Variants in CIB2 observed in about 807,000 individuals in gnomAD.
CIB2 encodes the protein calcium and integrin binding family member 2.
CIB2 carries 19 observed loss-of-function variants against 23.1 expected under a neutral mutation model. That is an observed-to-expected ratio of 0.82 (90% CI 0.57 to 1.21). The LOEUF is 1.21. Ranked by LOEUF, CIB2 falls within the 50% of genes most tolerant of loss-of-function variation. CIB2 has a pLI of 0.00. For missense variants in CIB2, 220 were observed against 241.5 expected (o/e 0.91, Z 0.59); for synonymous variants, 94 against 91.7 (o/e 1.03, Z -0.14).
chr15:78,105,148 C>G lies in CIB2; in HGVS notation c.*163G>C. On this transcript the variant is annotated 3_prime_UTR_variant, in exon 6 of 6. Coordinates refer to ENST00000258930, the MANE Select transcript of CIB2 (RefSeq NM_006383.4). ...AAGGGTCCTAACCTTCACAGGCCCCCTTCCTGGTTAAGGTTTTTTTTTTGC... is the reference window on the plus strand; with the variant it reads ...AAGGGTCCTAACCTTCACAGGCCCCGTTCCTGGTTAAGGTTTTTTTTTTGC... 1 of 996,998 alleles carries G rather than the reference C, an allele frequency of 1.0e-6. No individual in the cohort carries two copies. Among genetic ancestry groups the G allele is most frequent in the Non-Finnish European group, 1.5e-6 (1 of 682,162 alleles). 61.8% of individuals were successfully genotyped at this position (996,998 alleles called of 1,614,324 possible). A position where few individuals can be genotyped will look rare whatever the true frequency, so the allele number is the denominator to read the frequency against.
At chr15:78,114,966 G>T (rs2074216855) in intron 2 of CIB2, among the ~76,000 whole-genome samples, 2 of 151,626 alleles carry the variant, frequency 1.3e-5, no homozygotes, top group Admixed American at 1.3e-4. Context: ...GACTTTAAAA[G>T]AATAATATGT....
At chr15:78,130,464 C>A (rs2074438804) in intron 1 of CIB2, among the ~76,000 whole-genome samples, 1 of 152,168 alleles carries the variant, frequency 6.6e-6, no homozygotes, top group South Asian at 2.1e-4. Flanking sequence ...CCTGCAACCA[C>A]AGCGAAGTTT....
At chr15:78,108,752 G>C (rs1254258370) in intron 4 of CIB2, among the ~76,000 whole-genome samples, 1 of 152,170 alleles carries the variant, frequency 6.6e-6, no homozygotes, top group African/African-American at 2.4e-5. Flanking sequence ...AGTGGCCCTG[G>C]TGTCTGGATC....
chr15:78,108,827 G>A (rs570320415), intron 4 of CIB2, among the ~76,000 whole-genome samples: 48 of 152,186 alleles, frequency 3.2e-4, no homozygotes, highest in Non-Finnish European at 6.0e-4. Flanking sequence ...GACTCATACC[G>A]CCCCCTGTCC....
intron 2 of CIB2, among the ~76,000 whole-genome samples, chr15:78,116,464 C>CAA (rs1351635361): frequency 6.4e-5 from 5 of 77,794 alleles, no homozygotes; most frequent in African/African-American, 9.9e-5. Context: ...TCCTGCCTGA[C>CAA]AAAAAAAAAA....
chr15:78,110,135 C>G (rs988950187), intron 3 of CIB2, among the ~76,000 whole-genome samples: 2 of 152,248 alleles, frequency 1.3e-5, no homozygotes, highest in African/African-American at 4.8e-5. Flanking sequence ...CTCCCCTAGA[C>G]CACCTTGGAT....
intron 5 of CIB2, 116 bp downstream of exon 5, chr15:78,105,623 C>T (rs2074055038): frequency 3.2e-6 from 5 of 1,573,570 alleles, no homozygotes; most frequent in Non-Finnish European, 4.3e-6. Flanking sequence ...ACGTGACCTC[C>T]TGCTTCCTGG....
At chr15:78,109,571 A>G in intron 3 of CIB2, 189 bp from the exon 4 acceptor site, 1 of 660,820 alleles carries the variant, frequency 1.5e-6, no homozygotes, top group South Asian at 1.8e-5. Flanking sequence ...TAAATGAGCT[A>G]AAGTATGTAA....
chr15:78,117,930 T>C (rs1434030209), intron 2 of CIB2, among the ~76,000 whole-genome samples: 4 of 152,236 alleles, frequency 2.6e-5, no homozygotes, highest in African/African-American at 7.2e-5. Flanking sequence ...TCAGGAAATT[T>C]GTTGGAAATA....
Position 78,105,279 on chromosome 15 carries a change from A to T in CIB2, c.*32T>A. On this transcript the variant is annotated 3_prime_UTR_variant, in exon 6 of 6. Transcript: ENST00000258930. The stretch of plus-strand genomic sequence containing the variant: ...ATGTGACTGCAGGGCAGGATGGTGG[A>T]CTTCTAGGCCCCTACAGCCTCGGCA... 2 of 1,613,692 alleles carry T rather than the reference A, an allele frequency of 1.2e-6. No homozygotes were observed. The highest frequency in any genetic ancestry group is 2.2e-5 in the South Asian group (2 of 91,000).
At chr15:78,126,572 C>T (rs572481194) in intron 1 of CIB2, among the ~76,000 whole-genome samples, 33 of 152,222 alleles carry the variant, frequency 2.2e-4, no homozygotes, top group Non-Finnish European at 4.4e-4. Context: ...CCACTGTACA[C>T]CAGCCACTCC....
chr15:78,110,714 T>C (rs1179808387), intron 3 of CIB2: 2 of 456,314 alleles, frequency 4.4e-6, no homozygotes, highest in Non-Finnish European at 8.8e-6. Flanking sequence ...TGAGCCTGAA[T>C]TGGCATTTGG....
In CIB2 at chr15:78,109,402, C is replaced by G; in HGVS notation, c.199-20G>C. The G allele has an allele frequency of 6.2e-7, 1 of 1,613,862 alleles. No individual in the cohort carries two copies. Among genetic ancestry groups the G allele is most frequent in the African/African-American group, 1.3e-5 (1 of 75,048 alleles). ...ATTCTCCTGAAGAAAACACACACAG[C>G]AATCACTGTGGGTGCAGGATAAGCA... is the stretch of plus-strand genomic sequence containing the variant. On this transcript the variant is annotated intron_variant, in intron 3 of 5. Transcript: ENST00000258930.
chr15:78,107,659 C>T (rs748854132), intron 4 of CIB2, among the ~76,000 whole-genome samples: 2 of 152,218 alleles, frequency 1.3e-5, no homozygotes, highest in African/African-American at 4.8e-5. Context: ...GCGATCTGCA[C>T]GCCCCTGTCT....
At position 78,111,162 on chromosome 15, in the gene CIB2, TA is replaced by T; in HGVS notation, c.198+2del. 1 of 1,613,300 alleles carries T rather than the reference TA, an allele frequency of 6.2e-7. No homozygotes were observed. The highest frequency in any genetic ancestry group is 8.5e-7 in the Non-Finnish European group (1 of 1,179,276). On this transcript the variant is annotated splice_donor_variant, in intron 3 of 5. Coordinates refer to ENST00000258930, the MANE Select transcript of CIB2 (RefSeq NM_006383.4). LOFTEE classifies it high-confidence loss of function. ...GCTCGCCAGCAAGAGGTCCTGCACA[TA>T]CCCGGAGCTCTGGCATCTGGATGAT...
intron 2 of CIB2, among the ~76,000 whole-genome samples, chr15:78,119,375 G>C (rs2074286465): frequency 6.6e-6 from 1 of 152,238 alleles, no homozygotes; most frequent in Middle Eastern, 3.4e-3. Context: ...TGTGAATAAT[G>C]CTGCTATGAT....
chr15:78,129,024 G>C (rs958427923), intron 1 of CIB2, among the ~76,000 whole-genome samples: 1 of 152,188 alleles, frequency 6.6e-6, no homozygotes, highest in African/African-American at 2.4e-5. Flanking sequence ...AGGGGTCTGG[G>C]GGATGGCCGT....
chr15:78,108,712 A>C (rs956821606), intron 4 of CIB2, among the ~76,000 whole-genome samples: 1 of 152,106 alleles, frequency 6.6e-6, no homozygotes, highest in Admixed American at 6.5e-5. Flanking sequence ...TCTAGAAAAC[A>C]GAGCTGCCCT....
chr15:78,106,753 G>C (rs925345351), intron 4 of CIB2, among the ~76,000 whole-genome samples: 1 of 152,090 alleles, frequency 6.6e-6, no homozygotes, highest in African/African-American at 2.4e-5. Context: ...TCCCAGTGGC[G>C]GGGCTTTCTA....
Sources: gnomAD v4.1 joint callset for allele counts (sites outside exome capture counted in the v4.1 genomes callset) on GRCh38, gnomAD v4.1.1 for gene constraint, MANE v1.5 for transcripts, NCBI Gene and HGNC (gene_info 2026-07-23, HGNC 2026-07-21) for gene names.